SHROOM3: variants seen among roughly 807,000 people sequenced by gnomAD.
The protein encoded by SHROOM3 is protein Shroom3.
In SHROOM3, 47 loss-of-function variants were observed where a neutral mutation model predicts 138.6. The observed-to-expected ratio is 0.34, with a 90% confidence interval of 0.27 to 0.43. The LOEUF is 0.43. Among genes scored for constraint, SHROOM3 ranks in the 20% least tolerant of loss-of-function variants. The pLI, the probability that SHROOM3 is intolerant of heterozygous loss-of-function variation, is 1.00. For missense variants in SHROOM3, 2,491 were observed against 2,596.5 expected (o/e 0.96, Z 0.88); for synonymous variants, 1,062 against 1,063.3 (o/e 1.00, Z 0.02).
intron 6 of SHROOM3, 77 bp from the exon 7 acceptor site, chr4:76,754,234 T>G (rs1721726757): frequency 3.2e-6 from 5 of 1,577,404 alleles, no homozygotes; most frequent in Non-Finnish European, 4.4e-6. Context: ...GCTTTTCTCA[T>G]CTATGTAAGG....
chr4:76,758,541 G>C (rs1401670101), intron 8 of SHROOM3: 1 of 151,764 alleles, frequency 6.6e-6, no homozygotes, highest in Non-Finnish European at 1.5e-5. Flanking sequence ...AGTAGCCATT[G>C]TGAGGGTTGG....
At chr4:76,633,764 C>T (rs969307083) in intron 2 of SHROOM3, among the ~76,000 whole-genome samples, 1 of 151,876 alleles carries the variant, frequency 6.6e-6, no homozygotes, top group Admixed American at 6.6e-5. Flanking sequence ...CTCTCCTTCT[C>T]ACCCAAATAC....
intron 2 of SHROOM3, among the ~76,000 whole-genome samples, chr4:76,580,028 CTG>C (rs548247181): frequency 2.8e-4 from 43 of 152,222 alleles, no homozygotes; most frequent in Non-Finnish European, 4.6e-4. Context: ...GTTAGTCCCA[CTG>C]TGATTCAAAC....
At chr4:76,530,098 T>G (rs1732799771) in intron 1 of SHROOM3, among the ~76,000 whole-genome samples, 1 of 152,240 alleles carries the variant, frequency 6.6e-6, no homozygotes, top group African/African-American at 2.4e-5. Flanking sequence ...GATCTACTAT[T>G]CACTTTTCTT....
At chr4:76,689,792 C>G in intron 2 of SHROOM3, 1 of 972,862 alleles carries the variant, frequency 1.0e-6, no homozygotes, top group Non-Finnish European at 1.2e-6. Context: ...TCTGCGGCGA[C>G]TCTGGAAAGC....
chr4:76,473,874 A>G (rs1731429930), intron 1 of SHROOM3, among the ~76,000 whole-genome samples: 1 of 152,238 alleles, frequency 6.6e-6, no homozygotes, highest in African/African-American at 2.4e-5. Context: ...GTGTGAATGT[A>G]AAATGGTATA....
intron 1 of SHROOM3, among the ~76,000 whole-genome samples, chr4:76,497,236 C>A (rs960528107): frequency 3.0e-4 from 46 of 152,214 alleles, no homozygotes; most frequent in Non-Finnish European, 4.4e-5. Context: ...TTAATCCCAA[C>A]AGTATGTCTG....
At chr4:76,535,784 T>C (rs10016049) in intron 1 of SHROOM3, among the ~76,000 whole-genome samples, 107,961 of 152,150 alleles carry the variant, frequency 0.71, 38,790 homozygotes, top group East Asian at 0.94. Context: ...GGAATGACTT[T>C]GTTGTCACTG....
chr4:76,556,681 T>A (rs558878186), intron 2 of SHROOM3, among the ~76,000 whole-genome samples: 1 of 152,336 alleles, frequency 6.6e-6, no homozygotes, highest in South Asian at 2.1e-4. Context: ...TTAAGAATGT[T>A]CTAGTTGGCT....
At chr4:76,554,727 C>T (rs1733444007) in intron 1 of SHROOM3, among the ~76,000 whole-genome samples, 1 of 152,026 alleles carries the variant, frequency 6.6e-6, no homozygotes, top group South Asian at 2.1e-4. Context: ...GCCAGAGGAA[C>T]TCAACTTCTA....
At chr4:76,605,990 C>CACATAT (rs1553927820) in intron 2 of SHROOM3, among the ~76,000 whole-genome samples, 1 of 84,712 alleles carries the variant, frequency 1.2e-5, no homozygotes, top group African/African-American at 5.6e-5. Flanking sequence ...CACACACACA[C>CACATAT]ATATATATAT....
chr4:76,719,860 T>C (rs137872282), intron 3 of SHROOM3, among the ~76,000 whole-genome samples: 101 of 152,242 alleles, frequency 6.6e-4, no homozygotes, highest in African/African-American at 2.3e-3. Context: ...TGGGGTAAAG[T>C]AGGATACGAG....
chr4:76,548,162 G>A (rs1467313766), intron 1 of SHROOM3, among the ~76,000 whole-genome samples: 7 of 152,062 alleles, frequency 4.6e-5, no homozygotes, highest in Non-Finnish European at 1.0e-4. Context: ...CAAGTCTAAG[G>A]CCCCTGAAGG....
At chr4:76,601,223 A>C (rs117602069) in intron 2 of SHROOM3, among the ~76,000 whole-genome samples, 152 of 152,260 alleles carry the variant, frequency 1.0e-3, no homozygotes, top group African/African-American at 3.5e-3. Context: ...ACATTTAACA[A>C]TATCTGGAGA....
intron 2 of SHROOM3, among the ~76,000 whole-genome samples, chr4:76,632,023 A>G (rs1311044836): frequency 2.0e-5 from 3 of 152,162 alleles, no homozygotes; most frequent in Non-Finnish European, 2.9e-5. Flanking sequence ...GTTTTATCTG[A>G]ATAATTGGGA....
chr4:76,606,267 C>T (rs1312312162), intron 2 of SHROOM3, among the ~76,000 whole-genome samples: 4 of 150,700 alleles, frequency 2.7e-5, no homozygotes, highest in Non-Finnish European at 5.9e-5. Context: ...CTGCCTCGGC[C>T]TCCCAAAGTG....
intron 1 of SHROOM3, among the ~76,000 whole-genome samples, chr4:76,485,058 T>C (rs1463250893): frequency 6.6e-6 from 1 of 152,210 alleles, no homozygotes; most frequent in Non-Finnish European, 1.5e-5. Context: ...TCATATCACA[T>C]GGGAAACACA....
rs148639710 is a variant in SHROOM3, at chr4:76,739,713, A to T, written c.1540A>T (p.Ile514Phe). The T allele has an allele frequency of 6.2e-7, 1 of 1,614,084 alleles. No homozygotes were observed. Among genetic ancestry groups the T allele is most frequent in the African/African-American group, 1.3e-5 (1 of 74,934 alleles). Residue 514 changes from isoleucine (I) to phenylalanine (F), a missense_variant, in exon 5 of 11, where the codon ATT becomes TTT. This residue lies in a region of SHROOM3 where 1,733 missense variants were observed against 1,661.6 expected (regional missense o/e 1.04). Transcript: ENST00000296043. Reference sequence around the variant, plus strand: ...GGGAGCATGCAACAAGATGGCTACCATTGATGAGAATGGGAACCAGAATGG... The same window carrying T: ...GGGAGCATGCAACAAGATGGCTACCTTTGATGAGAATGGGAACCAGAATGG... ...PQGACNKMAT[I>F]DENGNQNGSG...
chr4:76,568,480 T>A (rs755319610), intron 2 of SHROOM3, among the ~76,000 whole-genome samples: 5 of 152,222 alleles, frequency 3.3e-5, no homozygotes, highest in African/African-American at 4.8e-5. Context: ...GTTTCATCAC[T>A]TAACTGACCA....
Sources: allele counts gnomAD v4.1 joint callset (sites outside exome capture counted in the v4.1 genomes callset), GRCh38; gene constraint gnomAD v4.1.1; regional missense constraint gnomAD v4.1.1; transcripts MANE v1.5; gene names NCBI Gene and HGNC (gene_info 2026-07-23, HGNC 2026-07-21).